Variants in USP48 observed in about 807,000 individuals in gnomAD.
USP48 encodes the protein ubiquitin specific peptidase 48.
In USP48, 43 loss-of-function variants were observed where a neutral mutation model predicts 150.7. The observed-to-expected ratio is 0.29, with a 90% CI of 0.22 to 0.37. USP48 has a LOEUF of 0.37. USP48 is among the 10% of genes least tolerant of loss of function. USP48 has a pLI of 1.00. For synonymous variants in USP48, 396 were observed against 425.9 expected, an observed-to-expected ratio of 0.93 and a Z score of 0.86; for missense variants, 813 against 1,249.6, an observed-to-expected ratio of 0.65 and a Z score of 5.27.
intron 8 of USP48, among the ~76,000 whole-genome samples, chr1:21,744,232 T>C (rs1487213901): frequency 2.6e-5 from 4 of 151,730 alleles, no homozygotes; most frequent in South Asian, 2.1e-4. Context: ...TCACCTGAGG[T>C]TGGGAGTTCT....
At chr1:21,779,450 G>A (rs1490028333) in intron 1 of USP48, among the ~76,000 whole-genome samples, 1 of 151,824 alleles carries the variant, frequency 6.6e-6, no homozygotes, top group African/African-American at 2.4e-5. Flanking sequence ...AGAGGCTGAG[G>A]CACAAGAATC....
At chr1:21,687,321 G>T in intron 24 of USP48, 82 bp from the exon 25 acceptor site, 1 of 1,283,872 alleles carries the variant, frequency 7.8e-7, no homozygotes, top group Non-Finnish European at 1.1e-6. Context: ...TTCAACTACT[G>T]ATATTGCTAT....
At chr1:21,746,181 T>TA (rs1399915823) in intron 8 of USP48, among the ~76,000 whole-genome samples, 4 of 152,286 alleles carry the variant, frequency 2.6e-5, no homozygotes, top group South Asian at 2.1e-4. Context: ...TGGAAAGAGA[T>TA]AGAGTTTATA....
At chr1:21,718,828 T>C (rs1012337724) in intron 14 of USP48, among the ~76,000 whole-genome samples, 1 of 151,478 alleles carries the variant, frequency 6.6e-6, no homozygotes, top group African/African-American at 2.4e-5. Flanking sequence ...ATTAAAGAGG[T>C]TTTAAAAAGC....
intron 2 of USP48, 22 bp from the exon 3 acceptor site, chr1:21,756,724 A>C (rs2097836698): frequency 1.2e-6 from 2 of 1,611,188 alleles, no homozygotes; most frequent in Non-Finnish European, 1.7e-6. Flanking sequence ...CAAAATTCAT[A>C]ATTATAAAAC....
At chr1:21,781,081 T>G (rs2097913246) in intron 1 of USP48, among the ~76,000 whole-genome samples, 1 of 150,866 alleles carries the variant, frequency 6.6e-6, no homozygotes, top group Admixed American at 6.6e-5. Flanking sequence ...AAAATTTATT[T>G]TTTTAAATTT....
Position 21,751,579 on chromosome 1 carries a change from T to C in USP48, c.702A>G (p.Ser234=), listed in dbSNP as rs2097813920. ...TATTTAACTCCAGCTCATAAAATTTTGACAAAAGCTTAGACTCTCTGCCAC... is the reference window on the plus strand; with the variant it reads ...TATTTAACTCCAGCTCATAAAATTTCGACAAAAGCTTAGACTCTCTGCCAC... ...NQCGRESKLL[S]KFYELELNIQ... The change falls in exon 6 of 27, where the codon TCA becomes TCG. Residue 234 remains serine, a synonymous_variant. Coordinates refer to ENST00000308271, the MANE Select transcript of USP48 (RefSeq NM_032236.8). 1.1e-5 allele frequency: 17 copies of C among 1,614,004 alleles called. No individual in the cohort carries two copies. Among genetic ancestry groups the C allele is most frequent in the Non-Finnish European group, 1.4e-5 (16 of 1,179,978 alleles).
intron 15 of USP48, among the ~76,000 whole-genome samples, chr1:21,709,592 A>G (rs922966825): frequency 1.3e-5 from 2 of 152,070 alleles, no homozygotes; most frequent in African/African-American, 4.8e-5. Context: ...CTTTAAAAAA[A>G]AAAAAAGAGA....
Position 21,736,582 on chromosome 1 carries a change from T to G in USP48, c.1035A>C (p.Arg345Ser). 6.4e-7 allele frequency: 1 copy of G among 1,574,170 alleles called. No individual in the cohort carries two copies. The highest frequency in any genetic ancestry group is 8.6e-7 in the Non-Finnish European group (1 of 1,165,356). The change falls in exon 9 of 27, where the codon AGA (arginine) becomes AGC (serine). Residue 345 changes from arginine to serine, a missense_variant. Transcript: ENST00000308271. ...AGTGGCCAGAATAAGCACTCACTCC[T>G]CTGTGTATGAGGACTGCGCTGAGTT... ...VYELSAVLIH[R>S]GVSAYSGHYI...
intron 8 of USP48, among the ~76,000 whole-genome samples, chr1:21,743,634 C>CATGA (rs1370606171): frequency 6.6e-6 from 1 of 152,116 alleles, no homozygotes; most frequent in Non-Finnish European, 1.5e-5. Context: ...AAGCATTCCA[C>CATGA]ATGAAAGTCA....
intron 8 of USP48, among the ~76,000 whole-genome samples, chr1:21,742,081 G>A (rs1398825380): frequency 6.6e-6 from 1 of 152,072 alleles, no homozygotes; most frequent in Non-Finnish European, 1.5e-5. Flanking sequence ...TTAATTATTA[G>A]TATTAGCTGG....
At chr1:21,713,562 G>A (rs1031243775) in intron 15 of USP48, among the ~76,000 whole-genome samples, 5 of 152,198 alleles carry the variant, frequency 3.3e-5, no homozygotes, top group Non-Finnish European at 7.4e-5. Context: ...TAAGGAGCAC[G>A]AGGGCAATCT....
chr1:21,720,162 A>G (rs1193257030), intron 14 of USP48, among the ~76,000 whole-genome samples: 1 of 152,236 alleles, frequency 6.6e-6, no homozygotes, highest in Non-Finnish European at 1.5e-5. Flanking sequence ...ATGAAAGATA[A>G]AGAAGTACAA....
chr1:21,753,823 TAAAAAAAAA>T (rs11308463), intron 3 of USP48, among the ~76,000 whole-genome samples: 1 of 86,638 alleles, frequency 1.2e-5, no homozygotes, highest in South Asian at 4.2e-4. Context: ...CGAGACTCTT[TAAAAAAAAA>T]AAAAAAAAAA....
intron 14 of USP48, among the ~76,000 whole-genome samples, 180 bp downstream of exon 14, chr1:21,720,856 G>T (rs2097718615): frequency 1.3e-5 from 2 of 152,018 alleles, no homozygotes; most frequent in South Asian, 4.1e-4. Context: ...GGGAAACAGG[G>T]TCTCACTCTG....
intron 8 of USP48, 71 bp downstream of exon 8, chr1:21,746,996 A>G: frequency 7.9e-7 from 1 of 1,259,002 alleles, no homozygotes; most frequent in Admixed American, 2.4e-5. Context: ...GCTATTCTAT[A>G]TTAATCACAA....
intron 14 of USP48, among the ~76,000 whole-genome samples, chr1:21,719,840 C>T (rs974331142): frequency 4.6e-5 from 7 of 152,012 alleles, no homozygotes; most frequent in East Asian, 3.9e-4. Context: ...GCCGAGACTG[C>T]GTCACTGCAC....
chr1:21,746,183 G>C (rs1248784201), intron 8 of USP48, among the ~76,000 whole-genome samples: 1 of 152,126 alleles, frequency 6.6e-6, no homozygotes, highest in Admixed American at 6.6e-5. Context: ...GAAAGAGATA[G>C]AGTTTATAAA....
intron 1 of USP48, among the ~76,000 whole-genome samples, chr1:21,759,555 C>T (rs1042869023): frequency 5.3e-5 from 8 of 152,256 alleles, no homozygotes; most frequent in Middle Eastern, 3.4e-3. Context: ...AATTAGAAAA[C>T]GAACCTACAT....
Sources: allele counts gnomAD v4.1 joint callset (sites outside exome capture counted in the v4.1 genomes callset), GRCh38; gene constraint gnomAD v4.1.1; transcripts MANE v1.5; gene names NCBI Gene and HGNC (gene_info 2026-07-23, HGNC 2026-07-21).